FARP1: variants seen among roughly 807,000 people sequenced by gnomAD.
FARP1 encodes FERM, ARHGEF and pleckstrin domain-containing protein 1.
FARP1 carries 52 observed loss-of-function variants against 128.8 expected under a neutral mutation model. The ratio of observed to expected loss-of-function variants is 0.40; its 90% CI spans 0.32 to 0.51. FARP1 has a LOEUF of 0.51. Ranked by LOEUF, FARP1 falls within the 20% of genes least tolerant of loss-of-function variation. FARP1 has a pLI of 0.45. For synonymous variants in FARP1, 580 were observed against 551.8 expected (o/e 1.05, Z -0.72); for missense variants, 1,333 against 1,367.9 (o/e 0.97, Z 0.40).
In FARP1 at chr13:98,334,342, A is replaced by G. The variant is rs1887648888; in HGVS notation, c.172-9420A>G. ...TTACTGCTGATGTCTGGAAAGTGAAAAAGGTAGTAACACCCTGTTCTGGCT... is the reference window on the plus strand; with the variant it reads ...TTACTGCTGATGTCTGGAAAGTGAAGAAGGTAGTAACACCCTGTTCTGGCT... On this transcript the variant is annotated intron_variant, in intron 2 of 26. Transcript: ENST00000319562. 3 of 152,336 alleles carry G rather than the reference A, an allele frequency of 2.0e-5. No homozygotes were observed. In the South Asian group the frequency reaches 6.2e-4, roughly 32 times the overall value. 9.4% of individuals were successfully genotyped at this position (152,336 alleles called of 1,614,324 possible).
chr13:98,388,238 G>A lies in FARP1; in HGVS notation c.760-145G>A. The A allele has an allele frequency of 7.9e-6, 5 of 633,222 alleles. No individual in the cohort carries two copies. The Admixed American group carries it at 1.3e-4, about 16-fold the overall frequency. 39.2% of individuals were successfully genotyped at this position (633,222 alleles called of 1,614,324 possible). ...GAACAGGTATCATCCGATAGCCACA[G>A]ATCCTGTGAGTTCTCTGCAAAAGTC... On this transcript the variant is annotated intron_variant, in intron 8 of 26. Coordinates refer to ENST00000319562, the MANE Select transcript of FARP1 (RefSeq NM_005766.4).
intron 13 of FARP1, 50 bp downstream of exon 13, chr13:98,395,526 T>C: frequency 6.6e-7 from 1 of 1,523,118 alleles, no homozygotes; most frequent in Non-Finnish European, 8.8e-7. Context: ...TTCCTTTCAT[T>C]GACTGCAGTG....
intron 3 of FARP1, among the ~76,000 whole-genome samples, chr13:98,362,681 C>T (rs1301146333): frequency 2.0e-5 from 3 of 152,202 alleles, no homozygotes; most frequent in Non-Finnish European, 2.9e-5. Context: ...CAGGCTTCTC[C>T]TCTGAGCTCC....
Position 98,365,419 on chromosome 13 carries a change from A to C in FARP1, c.301A>C (p.Ile101Leu). 6.2e-7 allele frequency: 1 copy of C among 1,610,030 alleles called. No homozygotes were observed. Among genetic ancestry groups the C allele is most frequent in the Non-Finnish European group, 8.5e-7 (1 of 1,176,428 alleles). ...ITVWLDLLKP[I>L]VKQIRRPKHV... ...GGTGTGGCTGGATCTCCTAAAACCC[A>C]TTGTGAAACAGATTAGAAGTGAGTA... The change falls in exon 4 of 27, where the codon ATT becomes CTT. Residue 101 changes from isoleucine (I) to leucine (L), a missense_variant. Physicochemically the swap from Ile to Leu is conservative, Grantham distance 5. Around this residue, in one of 2 missense-constraint regions of FARP1, gnomAD observed 324 missense variants for 398.1 expected, o/e 0.81. Coordinates refer to ENST00000319562, the MANE Select transcript of FARP1 (RefSeq NM_005766.4).
At chr13:98,216,834 C>T (rs1881089915) in intron 2 of FARP1, among the ~76,000 whole-genome samples, 1 of 152,218 alleles carries the variant, frequency 6.6e-6, no homozygotes, top group South Asian at 2.1e-4. Context: ...ATTTCCTCTG[C>T]AGAGTGGAAA....
chr13:98,340,212 C>A (rs956208459), intron 2 of FARP1, among the ~76,000 whole-genome samples: 4 of 151,986 alleles, frequency 2.6e-5, no homozygotes, highest in East Asian at 1.9e-4. Flanking sequence ...GAGTGCTTGC[C>A]AGCTGGTCAG....
chr13:98,438,701 G>C, intron 19 of FARP1, 103 bp from the exon 20 acceptor site: 4 of 893,838 alleles, frequency 4.5e-6, no homozygotes, highest in Non-Finnish European at 7.4e-6. Context: ...CTCGCAGTCA[G>C]CCCTCAGGGG....
Position 98,413,600 on chromosome 13 carries a change from C to T in FARP1, c.1826+1566C>T, listed in dbSNP as rs377314851. ...ACTTCAACCCAGAAGTTCAGGGCTG[C>T]AGTGAGCTATGACTGTGCCACTGCA... On this transcript the variant is annotated intron_variant, in intron 16 of 26. Coordinates refer to ENST00000319562, the MANE Select transcript of FARP1 (RefSeq NM_005766.4). 9.2e-5 allele frequency among the ~76,000 whole-genome samples: 14 copies of T among 152,180 alleles called. No individual in the cohort carries two copies. In the East Asian group the frequency reaches 1.2e-3, roughly 13 times the overall value.
Position 98,438,814 on chromosome 13 carries a change from G to T in FARP1, c.2285G>T (p.Arg762Leu). ...NLVVPGREFI[R>L]LGSLSKLSGK... Reference sequence around the variant, plus strand: ...CTGTCTCCCCTGCAGGAGTTCATCCGTCTGGGCAGCCTCAGCAAGCTCTCG... The same window carrying T: ...CTGTCTCCCCTGCAGGAGTTCATCCTTCTGGGCAGCCTCAGCAAGCTCTCG... The change falls in exon 20 of 27, where the codon CGT (arginine) becomes CTT (leucine). Residue 762 changes from arginine (R) to leucine (L), a missense_variant. Coordinates refer to ENST00000319562, the MANE Select transcript of FARP1 (RefSeq NM_005766.4). 6.2e-7 allele frequency: 1 copy of T among 1,612,754 alleles called. No individual in the cohort carries two copies. Among genetic ancestry groups the T allele is most frequent in the African/African-American group, 1.3e-5 (1 of 75,026 alleles).
intron 1 of FARP1, among the ~76,000 whole-genome samples, chr13:98,206,528 C>CT (rs1249766568): frequency 6.6e-6 from 1 of 152,210 alleles, no homozygotes; most frequent in East Asian, 1.9e-4. Context: ...TCCTTCCCTT[C>CT]TTTCTGACCT....
intron 5 of FARP1, among the ~76,000 whole-genome samples, chr13:98,373,408 T>C (rs1198164360): frequency 2.6e-5 from 4 of 152,194 alleles, no homozygotes; most frequent in African/African-American, 9.7e-5. Context: ...CTACAAAGTG[T>C]TGGGCTCAAA....
At chr13:98,254,773 C>T (rs1193519294) in intron 2 of FARP1, among the ~76,000 whole-genome samples, 1 of 152,150 alleles carries the variant, frequency 6.6e-6, no homozygotes, top group Non-Finnish European at 1.5e-5. Context: ...AGAGAATGTC[C>T]ATGATGCTAT....
intron 6 of FARP1, among the ~76,000 whole-genome samples, chr13:98,380,360 G>C (rs1250575615): frequency 2.0e-5 from 3 of 151,294 alleles, no homozygotes; most frequent in African/African-American, 2.4e-5. Flanking sequence ...TGAGCCAGGA[G>C]AATCACTTGA....
intron 2 of FARP1, among the ~76,000 whole-genome samples, chr13:98,318,530 A>T (rs1886843477): frequency 6.6e-6 from 1 of 152,254 alleles, no homozygotes; most frequent in East Asian, 1.9e-4. Flanking sequence ...CAAAGCTGCC[A>T]TCTCACTTAA....
chr13:98,229,943 T>C (rs1241755668), intron 2 of FARP1, among the ~76,000 whole-genome samples: 1 of 152,214 alleles, frequency 6.6e-6, no homozygotes, highest in Admixed American at 6.5e-5. Flanking sequence ...AGATTTATTG[T>C]ATGAGTGTTG....
At chr13:98,300,262 G>T (rs1885866759) in intron 2 of FARP1, among the ~76,000 whole-genome samples, 1 of 152,216 alleles carries the variant, frequency 6.6e-6, no homozygotes, top group Admixed American at 6.5e-5. Flanking sequence ...GTAGTGTGGG[G>T]ACGACAGGCT....
intron 2 of FARP1, among the ~76,000 whole-genome samples, chr13:98,293,801 C>G (rs1289756117): frequency 6.6e-6 from 1 of 152,126 alleles, no homozygotes; most frequent in Admixed American, 6.6e-5. Context: ...GCCTCCTGCC[C>G]ACTGGGAAGA....
chr13:98,350,997 G>A lies in FARP1; in HGVS notation c.276+7131G>A, dbSNP rs532530025. Among the ~76,000 whole-genome samples, 8 of 134,282 alleles carry A rather than the reference G, an allele frequency of 6.0e-5. No individual in the cohort carries two copies. The East Asian group carries it at 6.0e-4, about 10-fold the overall frequency. The allele number at this position is 134,282 out of a possible 152,430, so 88.1% of individuals were successfully genotyped here. On this transcript the variant is annotated intron_variant, in intron 3 of 26. Transcript: ENST00000319562. ...AAACCTGCTTACCCTGCCCAGCCTC[G>A]CCTCCCCTGCCCAGCCTCGCCTCCC...
chr13:98,244,442 C>CA lies in FARP1; in HGVS notation c.171+31034dup, dbSNP rs762754872. 2.6e-5 allele frequency: 40 copies of CA among 1,542,766 alleles called. No homozygotes were observed. The African/African-American group carries it at 5.1e-4, about 20-fold the overall frequency. ...GTTACTGTTTTTTAAAAAACAACAA[C>CA]AAAAAGCGCCTTTTCAAGGGAGTAG... is the stretch of plus-strand genomic sequence containing the variant. On this transcript the variant is annotated intron_variant, in intron 2 of 26. Coordinates refer to ENST00000319562, the MANE Select transcript of FARP1 (RefSeq NM_005766.4).
Sources: allele counts gnomAD v4.1 joint callset (sites outside exome capture counted in the v4.1 genomes callset), GRCh38; gene constraint gnomAD v4.1.1; regional missense constraint gnomAD v4.1.1; transcripts MANE v1.5; gene names NCBI Gene and HGNC (gene_info 2026-07-23, HGNC 2026-07-21).